OXR1: variants seen among roughly 807,000 people sequenced by gnomAD.
The protein encoded by OXR1 is oxidation resistance 1, also known as oxidation resistance protein 1.
A neutral mutation model predicts 104.6 loss-of-function variants in OXR1; 41 were observed. That is an observed-to-expected ratio of 0.39 (90% CI 0.31 to 0.51). The LOEUF is 0.51. Among genes scored for constraint, OXR1 ranks in the 20% least tolerant of loss-of-function variants. The pLI, the probability that OXR1 is intolerant of heterozygous loss-of-function variation, is 0.77. For synonymous variants in OXR1, 348 were observed against 348.4 expected (o/e 1.00, Z 0.01); for missense variants, 955 against 1,031.9 (o/e 0.93, Z 1.02).
intron 3 of OXR1, among the ~76,000 whole-genome samples, chr8:106,632,120 A>G (rs1224440191): frequency 6.6e-6 from 1 of 152,228 alleles, no homozygotes; most frequent in Admixed American, 6.5e-5. Flanking sequence ...TATGAAATGA[A>G]GAAAGATACA....
chr8:106,660,761 C>A (rs1825680634), intron 3 of OXR1, among the ~76,000 whole-genome samples: 2 of 152,058 alleles, frequency 1.3e-5, no homozygotes, highest in African/African-American at 4.8e-5. Flanking sequence ...GTCGGTAATC[C>A]CAGCACTTTG....
At chr8:106,535,224 CT>C (rs1814411307) in intron 3 of OXR1, among the ~76,000 whole-genome samples, 1 of 152,136 alleles carries the variant, frequency 6.6e-6, no homozygotes, top group Non-Finnish European at 1.5e-5. Flanking sequence ...TGGACGAGAA[CT>C]ATGATCTGCA....
intron 11 of OXR1, among the ~76,000 whole-genome samples, chr8:106,730,621 T>C (rs1400316915): frequency 2.0e-5 from 3 of 152,202 alleles, no homozygotes; most frequent in Non-Finnish European, 4.4e-5. Flanking sequence ...TCTTTACCCA[T>C]TCACCTGGTA....
chr8:106,433,593 A>T (rs1819449414), intron 2 of OXR1, among the ~76,000 whole-genome samples: 1 of 152,216 alleles, frequency 6.6e-6, no homozygotes, highest in African/African-American at 2.4e-5. Flanking sequence ...GTCTATGCCC[A>T]GGAATGAATA....
chr8:106,338,090 C>T (rs1429683192), intron 1 of OXR1, among the ~76,000 whole-genome samples: 2 of 152,100 alleles, frequency 1.3e-5, no homozygotes, highest in Admixed American at 6.5e-5. Flanking sequence ...GGACTGAGCT[C>T]CTGTTCTGGG....
chr8:106,659,496 A>G (rs559202261), intron 3 of OXR1, among the ~76,000 whole-genome samples: 1 of 152,380 alleles, frequency 6.6e-6, no homozygotes, highest in Non-Finnish European at 1.5e-5. Context: ...AACCAAATGC[A>G]GAATCCTCTT....
At chr8:106,459,732 A>C (rs1011049753) in intron 2 of OXR1, among the ~76,000 whole-genome samples, 2 of 152,196 alleles carry the variant, frequency 1.3e-5, no homozygotes, top group Admixed American at 6.5e-5. Flanking sequence ...CTTTTGCTTA[A>C]TATGTCTGTC....
chr8:106,587,982 C>T (rs1219351710), intron 3 of OXR1, among the ~76,000 whole-genome samples: 10 of 150,372 alleles, frequency 6.7e-5, no homozygotes, highest in African/African-American at 2.0e-4. Context: ...GACAGAGTCT[C>T]GCTCTGTCAC....
chr8:106,300,801 A>G (rs149954796), intron 1 of OXR1, among the ~76,000 whole-genome samples: 72 of 152,344 alleles, frequency 4.7e-4, no homozygotes, highest in African/African-American at 1.3e-3. Flanking sequence ...AAGAGATTCA[A>G]TTGAATTGAG....
In OXR1 at chr8:106,294,805, G is replaced by A. The variant is rs80022421; in HGVS notation, c.-139+24438G>A. On this transcript the variant is annotated intron_variant, in intron 1 of 16. Transcript: ENST00000517566. Reference sequence around the variant, plus strand: ...GGACAAACAGCCAAACCATATCACAGGGTAACTCAAGCAAACCCTTACTTG... The same window carrying A: ...GGACAAACAGCCAAACCATATCACAAGGTAACTCAAGCAAACCCTTACTTG... 8.1e-3 allele frequency among the ~76,000 whole-genome samples: 1,239 copies of A among 152,250 alleles called. 4 individuals are homozygous for A. The highest frequency in any genetic ancestry group is 0.012 in the Non-Finnish European group (794 of 68,016).
chr8:106,727,235 CA>C (rs1438118843), intron 11 of OXR1, among the ~76,000 whole-genome samples: 5 of 133,244 alleles, frequency 3.8e-5, no homozygotes, highest in African/African-American at 1.4e-4. Flanking sequence ...GCTATTCATA[CA>C]TTTTTTTTAT....
chr8:106,506,209 G>T (rs2129989471), intron 2 of OXR1, among the ~76,000 whole-genome samples: 1 of 152,304 alleles, frequency 6.6e-6, no homozygotes, highest in East Asian at 1.9e-4. Context: ...TAGAAATCAA[G>T]AATTTGTTTT....
At chr8:106,352,645 G>A (rs1284063792) in intron 1 of OXR1, among the ~76,000 whole-genome samples, 2 of 152,148 alleles carry the variant, frequency 1.3e-5, no homozygotes, top group African/African-American at 4.8e-5. Context: ...TCCTGAATAG[G>A]AATGAGGCAT....
chr8:106,347,922 G>A (rs1379075436), intron 1 of OXR1, among the ~76,000 whole-genome samples: 1 of 152,114 alleles, frequency 6.6e-6, no homozygotes, highest in African/African-American at 2.4e-5. Context: ...CGTAACATGA[G>A]TTTTCTGATG....
At chr8:106,345,684 G>C (rs1815448063) in intron 1 of OXR1, among the ~76,000 whole-genome samples, 1 of 152,176 alleles carries the variant, frequency 6.6e-6, no homozygotes, top group Non-Finnish European at 1.5e-5. Flanking sequence ...AAAATATACA[G>C]AGAAAGATTA....
chr8:106,389,496 A>G (rs539316598), intron 2 of OXR1, among the ~76,000 whole-genome samples: 2 of 152,324 alleles, frequency 1.3e-5, no homozygotes, highest in Middle Eastern at 3.4e-3. Flanking sequence ...AAATTAGTTT[A>G]TACTTAACAC....
intron 3 of OXR1, among the ~76,000 whole-genome samples, chr8:106,560,921 T>C (rs1816627391): frequency 6.6e-6 from 1 of 152,056 alleles, no homozygotes; most frequent in Admixed American, 6.6e-5. Flanking sequence ...GGGAACTCTC[T>C]CCCCTAGCCA....
chr8:106,302,897 G>A (rs61320524), intron 1 of OXR1, among the ~76,000 whole-genome samples: 33,352 of 150,874 alleles, frequency 0.22, 5,445 homozygotes, highest in African/African-American at 0.46. Flanking sequence ...GACTACAGGC[G>A]CCCGCCACCA....
intron 2 of OXR1, among the ~76,000 whole-genome samples, chr8:106,431,675 G>T (rs1819366164): frequency 6.6e-6 from 1 of 152,150 alleles, no homozygotes; most frequent in South Asian, 2.1e-4. Context: ...AGCTTTAACA[G>T]CACCTATACT....
Sources: allele counts gnomAD v4.1 joint callset (sites outside exome capture counted in the v4.1 genomes callset), GRCh38; gene constraint gnomAD v4.1.1; transcripts MANE v1.5; gene names NCBI Gene and HGNC (gene_info 2026-07-23, HGNC 2026-07-21).